The following ECE2 variants were observed in gnomAD, a reference collection of about 807,000 sequenced individuals.
ECE2 encodes the protein endothelin-converting enzyme 2.
ECE2 carries 81 observed loss-of-function variants against 100.6 expected under a neutral mutation model. The observed-to-expected ratio is 0.81, with a 90% CI of 0.67 to 0.97. The LOEUF (loss-of-function observed/expected upper bound fraction) is 0.97. Ranked by LOEUF, ECE2 falls within the 50% of genes least tolerant of loss-of-function variation. The pLI, the probability that ECE2 is intolerant of heterozygous loss-of-function variation, is 0.00. For synonymous variants in ECE2, 391 were observed against 391.5 expected (o/e 1.00, Z 0.02); for missense variants, 911 against 988.1 (o/e 0.92, Z 1.05).
At chr3:184,277,695 G>A (rs1430041393) in intron 4 of ECE2, among the ~76,000 whole-genome samples, 1 of 152,174 alleles carries the variant, frequency 6.6e-6, no homozygotes, top group Non-Finnish European at 1.5e-5. Context: ...ACTCTGTTTG[G>A]AGCACTGTCG....
chr3:184,280,285 ATCTC>A (rs1720761931), intron 7 of ECE2, among the ~76,000 whole-genome samples: 1 of 152,248 alleles, frequency 6.6e-6, no homozygotes, highest in African/African-American at 2.4e-5. Context: ...AAGTTGATTA[ATCTC>A]TCTGAGGCTG....
intron 11 of ECE2, among the ~76,000 whole-genome samples, chr3:184,288,892 C>T (rs1018771919): frequency 6.6e-6 from 1 of 152,148 alleles, no homozygotes; most frequent in Non-Finnish European, 1.5e-5. Context: ...CGTGGTGGTT[C>T]ACGCTTGTAA....
At chr3:184,277,866 G>T in intron 4 of ECE2, 59 bp from the exon 5 acceptor site, 1 of 1,592,020 alleles carries the variant, frequency 6.3e-7, no homozygotes, top group Non-Finnish European at 8.5e-7. Flanking sequence ...GCAAGGGCCA[G>T]GGACTCCCCC....
Position 184,291,293 on chromosome 3 carries a change from G to C in ECE2, c.2026-51G>C, listed in dbSNP as rs1228505217. On this transcript the variant is annotated intron_variant, in intron 17 of 18. Transcript: ENST00000404464. The surrounding 1 kb of genome is among the most constrained non-coding windows in gnomAD (Gnocchi z 4.1). Reference sequence around the variant, plus strand: ...GCTGGCCTGGGGTGAAAGGTGCCGGGTGGGTGGGGGCAGGCCTGGATGGGC... The same window carrying C: ...GCTGGCCTGGGGTGAAAGGTGCCGGCTGGGTGGGGGCAGGCCTGGATGGGC... 6.3e-7 allele frequency: 1 copy of C among 1,589,026 alleles called. No individual in the cohort carries two copies. Among genetic ancestry groups the C allele is most frequent in the Non-Finnish European group, 8.6e-7 (1 of 1,165,624 alleles).
chr3:184,279,120 A>T (rs2108419419), intron 7 of ECE2, among the ~76,000 whole-genome samples: 1 of 150,946 alleles, frequency 6.6e-6, no homozygotes, highest in South Asian at 2.1e-4. Context: ...GACCAGGCTG[A>T]CCAACAAGGT....
In ECE2 at chr3:184,278,332, G is replaced by T. The variant is rs773855652; in HGVS notation, c.750+19G>T. Reference sequence around the variant, plus strand: ...TATCCAGGTGATGAGCTGGGAAAGGGTGGGGAGAGACTTAGGGACACTTTG... The same window carrying T: ...TATCCAGGTGATGAGCTGGGAAAGGTTGGGGAGAGACTTAGGGACACTTTG... On this transcript the variant is annotated intron_variant, in intron 6 of 18. Coordinates refer to ENST00000404464, the MANE Select transcript of ECE2 (RefSeq NM_001100121.2). 1.2e-6 allele frequency: 2 copies of T among 1,612,590 alleles called. No homozygotes were observed. Among genetic ancestry groups the T allele is most frequent in the Admixed American group, 1.7e-5 (1 of 59,904 alleles).
chr3:184,276,409 G>A, intron 1 of ECE2, 72 bp from the exon 2 acceptor site: 1 of 1,539,956 alleles, frequency 6.5e-7, no homozygotes, highest in Non-Finnish European at 8.8e-7. Flanking sequence ...GAGGCAGGGA[G>A]CACTGGGGCA....
rs1157422803 is a variant in ECE2, at chr3:184,285,591, A to C, written c.1262A>C (p.Lys421Thr). ...CTGGAGACCCTCTATGGCACTAAGA[A>C]GGTGGGCTTTCTGATTTTGCCTCCA... ...KLLETLYGTK[K>T]SCVPRWQTCI... Residue 421 changes from lysine to threonine, a missense_variant and splice_region_variant, in exon 10 of 19, where the codon AAG becomes ACG. Transcript: ENST00000404464. 1 of 1,611,242 alleles carries C rather than the reference A, an allele frequency of 6.2e-7. No individual in the cohort carries two copies. Among genetic ancestry groups the C allele is most frequent in the African/African-American group, 1.3e-5 (1 of 74,870 alleles).
chr3:184,292,453 A>C lies in ECE2; in HGVS notation c.*215A>C, dbSNP rs1721375514. The C allele has an allele frequency of 6.9e-6, 4 of 576,204 alleles. No individual in the cohort carries two copies. The South Asian group carries it at 9.3e-5, about 13-fold the overall frequency. The allele number at this position is 576,204 out of a possible 1,614,324, so 35.7% of individuals were successfully genotyped here. A position where few individuals can be genotyped will look rare whatever the true frequency, so the allele number is the denominator to read the frequency against. On this transcript the variant is annotated 3_prime_UTR_variant, in exon 19 of 19. Coordinates refer to ENST00000404464, the MANE Select transcript of ECE2 (RefSeq NM_001100121.2). ...GCCTCCAGCAGAGCCCCCACCATTC[A>C]CTGTGACATCTTTCCGTGTCACCCT...
In ECE2 at chr3:184,291,819, A is replaced by C. The variant is rs1175280347; in HGVS notation, c.2122-243A>C. The C allele has an allele frequency of 1.8e-6, 1 of 559,378 alleles. No individual in the cohort carries two copies. Among genetic ancestry groups the C allele is most frequent in the Non-Finnish European group, 3.2e-6 (1 of 316,260 alleles). The allele number at this position is 559,378 out of a possible 1,614,324, so 34.7% of individuals were successfully genotyped here. ...GTCCAGGGCTGCCCAGGAATAGAGT[A>C]AGTGGCAGAGCAAGGACCCAGGCAG... On this transcript the variant is annotated intron_variant, in intron 18 of 18. Coordinates refer to ENST00000404464, the MANE Select transcript of ECE2 (RefSeq NM_001100121.2). This position sits in a 1 kb window ranked among gnomAD's most constrained non-coding sequence, Gnocchi z 4.1.
Position 184,290,806 on chromosome 3 carries a change from G to A in ECE2, c.1780G>A (p.Gly594Ser), listed in dbSNP as rs200405804. 10 of 1,614,170 alleles carry A rather than the reference G, an allele frequency of 6.2e-6. No individual in the cohort carries two copies. The highest frequency in any genetic ancestry group is 1.3e-5 in the African/African-American group (1 of 75,024). Residue 594 changes from glycine to serine, a missense_variant, in exon 16 of 19, where the codon GGT (glycine) becomes AGT (serine). Physicochemically the swap from Gly to Ser is moderately conservative, Grantham distance 56. Transcript: ENST00000404464. ...CTCACCCACCAGGGCCCTGAACTTC[G>A]GTGGCATCGGTGTGGTCATGGGCCA... is the stretch of plus-strand genomic sequence containing the variant. ...ARNHPKALNFGGIGVVMGHEL... is the reference protein window; with the variant it reads ...ARNHPKALNFSGIGVVMGHEL...
Position 184,276,484 on chromosome 3 carries a change from G to A in ECE2, c.43G>A (p.Val15Met), listed in dbSNP as rs1030214364. ...GGCAACCCCGACTGTCTGGCAGATGGTGGAGTACAAACGGGCCACGCTTCG... is the reference window on the plus strand; with the variant it reads ...GGCAACCCCGACTGTCTGGCAGATGATGGAGTACAAACGGGCCACGCTTCG... ...LQELGAGSNM[V>M]EYKRATLRDE... The change falls in exon 2 of 19, where the codon GTG (valine) becomes ATG (methionine). Residue 15 changes from valine to methionine, a missense_variant. Val to Met is a conservative substitution (Grantham distance 21). Coordinates refer to ENST00000404464, the MANE Select transcript of ECE2 (RefSeq NM_001100121.2). 1.2e-6 allele frequency: 2 copies of A among 1,609,112 alleles called. No homozygotes were observed. Among genetic ancestry groups the A allele is most frequent in the Non-Finnish European group, 1.7e-6 (2 of 1,179,144 alleles).
chr3:184,289,391 A>G lies in ECE2; in HGVS notation c.1375-46A>G, dbSNP rs1192332118. 6.5e-7 allele frequency: 1 copy of G among 1,537,050 alleles called. No individual in the cohort carries two copies. ...CCAAGGGTGGATGGGTGGGGCAGGG[A>G]TGCATTCAGTGCAGGGGAAGGCTGA... On this transcript the variant is annotated intron_variant, in intron 11 of 18. Coordinates refer to ENST00000404464, the MANE Select transcript of ECE2 (RefSeq NM_001100121.2). The surrounding 1 kb of genome is among the most constrained non-coding windows in gnomAD (Gnocchi z 4.1).
chr3:184,277,503 T>C, intron 4 of ECE2, 37 bp downstream of exon 4: 7 of 1,603,542 alleles, frequency 4.4e-6, no homozygotes, highest in African/African-American at 1.3e-5. Flanking sequence ...GGGCCACCTA[T>C]GTGCCTTGTG....
chr3:184,277,407 G>T lies in ECE2; in HGVS notation c.419G>T (p.Arg140Leu). The T allele has an allele frequency of 1.9e-6, 3 of 1,614,208 alleles. No individual in the cohort carries two copies. Among genetic ancestry groups the T allele is most frequent in the East Asian group, 4.5e-5 (2 of 44,886 alleles). ...AACCCCCTGCCCGATGGGCGTTCTC[G>T]CTGGAACACCTTCAACAGCCTCTGG... The part of the protein sequence containing the change: ...RRNPLPDGRS[R>L]WNTFNSLWDQ... The change falls in exon 4 of 19, where the codon CGC becomes CTC. Residue 140 changes from arginine (R) to leucine (L), a missense_variant. By Grantham distance (102) the Arg-to-Leu change is moderately radical (BLOSUM62 -2). Coordinates refer to ENST00000404464, the MANE Select transcript of ECE2 (RefSeq NM_001100121.2).
At chr3:184,285,692 A>C in intron 10 of ECE2, 100 bp downstream of exon 10, 1 of 895,784 alleles carries the variant, frequency 1.1e-6, no homozygotes, top group East Asian at 2.4e-5. Flanking sequence ...GCACAGGTGC[A>C]TAGTATGGAG....
chr3:184,290,879 G>T lies in ECE2; in HGVS notation c.1834+19G>T. ...GACCAAGGTAGGGGCCCATGGAGTC[G>T]TCCCCTCTAGCCTAGAATTCCCAGT... is the stretch of plus-strand genomic sequence containing the variant. On this transcript the variant is annotated intron_variant, in intron 16 of 18. Coordinates refer to ENST00000404464, the MANE Select transcript of ECE2 (RefSeq NM_001100121.2). 3.1e-6 allele frequency: 5 copies of T among 1,614,096 alleles called. No individual in the cohort carries two copies. Among genetic ancestry groups the T allele is most frequent in the Non-Finnish European group, 4.2e-6 (5 of 1,179,986 alleles).
In ECE2 at chr3:184,276,173, A is replaced by T; in HGVS notation, c.20A>T (p.Glu7Val). Residue 7 changes from glutamate to valine, a missense_variant, in exon 1 of 19, where the codon GAG becomes GTG. By Grantham distance (121) the Glu-to-Val change is moderately radical. Coordinates refer to ENST00000404464, the MANE Select transcript of ECE2 (RefSeq NM_001100121.2). MNVALQ[E>V]LGAGSNMVEY... is the part of the protein sequence containing the mutation. ...TCCACCATGAACGTCGCGCTGCAGG[A>T]GCTGGGAGCTGGCAGCAACGTGAGT... The T allele has an allele frequency of 9.0e-6, 13 of 1,441,238 alleles. No homozygotes were observed. Among genetic ancestry groups the T allele is most frequent in the Non-Finnish European group, 1.2e-5 (13 of 1,102,600 alleles). 89.3% of individuals were successfully genotyped at this position (1,441,238 alleles called of 1,614,324 possible). A position where few individuals can be genotyped will look rare whatever the true frequency, so the allele number is the denominator to read the frequency against.
At position 184,276,482 on chromosome 3, in the gene ECE2, T is replaced by TGG. The variant is rs997761786; in HGVS notation, c.42_43dup (p.Val15GlyfsTer19). 1.2e-6 allele frequency: 2 copies of TGG among 1,608,520 alleles called. No homozygotes were observed. The highest frequency in any genetic ancestry group is 1.7e-5 in the Admixed American group (1 of 59,508). On this transcript the variant is annotated frameshift_variant and splice_region_variant, in exon 2 of 19. Coordinates refer to ENST00000404464, the MANE Select transcript of ECE2 (RefSeq NM_001100121.2). LOFTEE classifies it high-confidence loss of function. ...TTGGCAACCCCGACTGTCTGGCAGA[T>TGG]GGTGGAGTACAAACGGGCCACGCTT... is the stretch of plus-strand genomic sequence containing the variant.
Sources: gnomAD v4.1 joint callset for allele counts (sites outside exome capture counted in the v4.1 genomes callset) on GRCh38, gnomAD v4.1.1 for gene constraint, Gnocchi (gnomAD v3.1) non-coding constraint, MANE v1.5 for transcripts, NCBI Gene and HGNC (gene_info 2026-07-23, HGNC 2026-07-21) for gene names.